PHF14: variants seen among roughly 807,000 people sequenced by gnomAD.
PHF14 encodes the protein PHD finger protein 14.
In PHF14, 55 loss-of-function variants were observed where a neutral mutation model predicts 117.9. The observed-to-expected ratio is 0.47, with a 90% CI of 0.38 to 0.58. PHF14 has a LOEUF of 0.58. Ranked by LOEUF, PHF14 falls within the 20% of genes least tolerant of loss-of-function variation. PHF14 has a pLI of 0.00. For synonymous variants in PHF14, 409 were observed against 368.6 expected (o/e 1.11, Z -1.26); for missense variants, 978 against 1,122.2 (o/e 0.87, Z 1.84).
chr7:11,109,005 T>A (rs368214242), intron 16 of PHF14: 13 of 151,922 alleles, frequency 8.6e-5, no homozygotes, highest in African/African-American at 3.1e-4. Context: ...TTATTAGCAA[T>A]CTGAACTCTG....
intron 4 of PHF14, among the ~76,000 whole-genome samples, chr7:10,993,116 A>G (rs1782519966): frequency 6.6e-6 from 1 of 152,162 alleles, no homozygotes; most frequent in Non-Finnish European, 1.5e-5. Context: ...TTTATTGCAT[A>G]AGCCTACCAA....
intron 2 of PHF14, 65 bp from the exon 3 acceptor site, chr7:10,982,307 G>GTT (rs1782067530): frequency 3.9e-6 from 4 of 1,025,812 alleles, no homozygotes; most frequent in East Asian, 2.6e-5. Context: ...TTGTGTCAGC[G>GTT]TTGTGTGTGT....
chr7:10,974,273 C>T lies in PHF14; in HGVS notation c.-51C>T, dbSNP rs1029707476. ...CCCCGACCTCGGCGCTGCCTGGGCT[C>T]CTGCAGCCTCTCCCTAAGTCTTCTC... On this transcript the variant is annotated 5_prime_UTR_variant, in exon 1 of 18. Coordinates refer to ENST00000634607, the MANE Select transcript of PHF14 (RefSeq NM_001007157.2). 95 of 1,553,392 alleles carry T rather than the reference C, an allele frequency of 6.1e-5. No homozygotes were observed. The highest frequency in any genetic ancestry group is 8.8e-6 in the Non-Finnish European group (10 of 1,141,356).
chr7:11,055,426 A>G (rs1271657988), intron 14 of PHF14, among the ~76,000 whole-genome samples: 1 of 152,132 alleles, frequency 6.6e-6, no homozygotes, highest in African/African-American at 2.4e-5. Flanking sequence ...ACACACACGC[A>G]TGCATCATCT....
chr7:11,095,636 G>GT (rs1182984416), intron 16 of PHF14, among the ~76,000 whole-genome samples: 1 of 152,074 alleles, frequency 6.6e-6, no homozygotes, highest in South Asian at 2.1e-4. Flanking sequence ...GAGAATAAAT[G>GT]TTTTTTCAGT....
At chr7:11,082,753 G>A (rs1230499329) in intron 16 of PHF14, among the ~76,000 whole-genome samples, 1 of 152,120 alleles carries the variant, frequency 6.6e-6, no homozygotes, top group East Asian at 1.9e-4. Context: ...TATGTCAGGA[G>A]CCTCTCTTTA....
intron 16 of PHF14, among the ~76,000 whole-genome samples, chr7:11,074,452 C>T (rs375136985): frequency 2.8e-4 from 43 of 152,174 alleles, no homozygotes; most frequent in Middle Eastern, 6.8e-3. Flanking sequence ...CCTCGTGATC[C>T]GCCTGCTTCA....
intron 2 of PHF14, among the ~76,000 whole-genome samples, chr7:10,975,595 A>C (rs1466761901): frequency 6.6e-6 from 1 of 152,196 alleles, no homozygotes; most frequent in Non-Finnish European, 1.5e-5. Context: ...TTTTCTGTTC[A>C]GTGTACCTTA....
intron 2 of PHF14, among the ~76,000 whole-genome samples, chr7:10,976,794 A>G (rs907012933): frequency 2.0e-5 from 3 of 150,790 alleles, no homozygotes; most frequent in Admixed American, 1.3e-4. Context: ...TCCCTTAAAC[A>G]CACTAAAAAT....
intron 4 of PHF14, among the ~76,000 whole-genome samples, chr7:11,012,476 T>A (rs1009883365): frequency 1.2e-4 from 18 of 152,350 alleles, no homozygotes; most frequent in Middle Eastern, 6.8e-3. Flanking sequence ...TTGAAAGAAA[T>A]CTGCATATAA....
intron 16 of PHF14, among the ~76,000 whole-genome samples, chr7:11,063,935 A>G (rs976454483): frequency 1.3e-5 from 2 of 151,834 alleles, no homozygotes; most frequent in African/African-American, 2.4e-5. Context: ...AGGTAAAGAT[A>G]TTTTTATTAC....
chr7:11,151,956 A>G (rs1279212626), intron 17 of PHF14, among the ~76,000 whole-genome samples: 1 of 152,118 alleles, frequency 6.6e-6, no homozygotes, highest in Non-Finnish European at 1.5e-5. Flanking sequence ...CTGTATCCTC[A>G]TAAGATTTAA....
At chr7:11,150,065 A>G (rs574332526) in intron 17 of PHF14, among the ~76,000 whole-genome samples, 2 of 152,152 alleles carry the variant, frequency 1.3e-5, no homozygotes, top group African/African-American at 2.4e-5. Context: ...TTGAAAATAC[A>G]TTGCAAGTCA....
intron 16 of PHF14, among the ~76,000 whole-genome samples, chr7:11,097,464 G>A (rs1455302320): frequency 6.6e-6 from 1 of 152,056 alleles, no homozygotes; most frequent in Non-Finnish European, 1.5e-5. Context: ...TCACCATTAG[G>A]CGTAGTAGTA....
chr7:11,059,176 T>C (rs1785121466), intron 14 of PHF14, among the ~76,000 whole-genome samples: 1 of 152,152 alleles, frequency 6.6e-6, no homozygotes. Flanking sequence ...CAATCTGGTA[T>C]GAAGAGAGTT....
chr7:11,001,511 C>G (rs1040157016), intron 4 of PHF14, among the ~76,000 whole-genome samples: 1 of 151,966 alleles, frequency 6.6e-6, no homozygotes, highest in African/African-American at 2.4e-5. Context: ...CAATATTGAG[C>G]TTTTTTATTC....
At chr7:11,112,186 C>A (rs1038504427) in intron 17 of PHF14, among the ~76,000 whole-genome samples, 1 of 152,056 alleles carries the variant, frequency 6.6e-6, no homozygotes, top group Non-Finnish European at 1.5e-5. Flanking sequence ...ACATTCTGGT[C>A]AACTGTAGAT....
At chr7:11,011,017 T>TA (rs1457084028) in intron 4 of PHF14, among the ~76,000 whole-genome samples, 7 of 152,196 alleles carry the variant, frequency 4.6e-5, no homozygotes, top group African/African-American at 1.4e-4. Context: ...GGATAACAAT[T>TA]AAACAGTTGC....
chr7:11,104,998 CACAT>C, intron 16 of PHF14: 4 of 898,516 alleles, frequency 4.5e-6, no homozygotes, highest in Non-Finnish European at 5.3e-6. Context: ...TCATCTGCAA[CACAT>C]ACAATTTTTT....
Sources: gnomAD v4.1 joint callset for allele counts (sites outside exome capture counted in the v4.1 genomes callset) on GRCh38, gnomAD v4.1.1 for gene constraint, MANE v1.5 for transcripts, NCBI Gene and HGNC (gene_info 2026-07-23, HGNC 2026-07-21) for gene names.